KYNU: variants seen among roughly 807,000 people sequenced by gnomAD.
KYNU encodes the protein L-kynurenine hydrolase.
KYNU carries 54 observed loss-of-function variants against 59.2 expected under a neutral mutation model. That is an observed-to-expected ratio of 0.91 (90% confidence interval 0.73 to 1.14). KYNU has a LOEUF of 1.14. KYNU is among the 50% of genes most tolerant of loss of function. KYNU has a pLI of 0.00. For missense variants in KYNU, 567 were observed against 554.4 expected (o/e 1.02, Z -0.23); for synonymous variants, 177 against 192.0 (o/e 0.92, Z 0.65).
chr2:142,895,268 TATG>T (rs1182911932), intron 2 of KYNU, among the ~76,000 whole-genome samples: 1 of 152,212 alleles, frequency 6.6e-6, no homozygotes, highest in African/African-American at 2.4e-5. Flanking sequence ...AAGACTCCTT[TATG>T]CTAGCCCTTT....
At chr2:142,956,971 C>T (rs1573837839) in intron 6 of KYNU, among the ~76,000 whole-genome samples, 1 of 151,858 alleles carries the variant, frequency 6.6e-6, no homozygotes, top group East Asian at 1.9e-4. Context: ...AGTGAGACCT[C>T]GTCTCTATAA....
At chr2:143,014,196 A>G (rs895174435) in intron 10 of KYNU, among the ~76,000 whole-genome samples, 5 of 152,222 alleles carry the variant, frequency 3.3e-5, no homozygotes, top group Admixed American at 6.5e-5. Flanking sequence ...CTGAGGGAAC[A>G]TGGCTCAGGC....
chr2:143,015,539 TAA>T (rs113000458), intron 10 of KYNU, among the ~76,000 whole-genome samples: 4 of 152,290 alleles, frequency 2.6e-5, no homozygotes, highest in African/African-American at 9.6e-5. Context: ...CATGACCTGA[TAA>T]AGACCATCTG....
At chr2:142,917,410 A>C (rs985142719) in intron 2 of KYNU, among the ~76,000 whole-genome samples, 1 of 152,174 alleles carries the variant, frequency 6.6e-6, no homozygotes, top group Non-Finnish European at 1.5e-5. Context: ...ACTTGGACTC[A>C]AGCTATAAGG....
chr2:142,976,425 G>A (rs80253753), intron 8 of KYNU, among the ~76,000 whole-genome samples: 5,057 of 152,248 alleles, frequency 0.033, 124 homozygotes, highest in Non-Finnish European at 0.052. Context: ...GAGAAGTGTT[G>A]TCTCTACCAG....
chr2:142,935,414 C>T (rs1431701711), intron 4 of KYNU, among the ~76,000 whole-genome samples: 2 of 152,102 alleles, frequency 1.3e-5, no homozygotes, highest in Admixed American at 1.3e-4. Context: ...AGTGGGGGTC[C>T]TGATTGGGAA....
chr2:142,920,542 C>A (rs189793115), intron 3 of KYNU, among the ~76,000 whole-genome samples: 1 of 152,264 alleles, frequency 6.6e-6, no homozygotes, highest in East Asian at 1.9e-4. Context: ...ATTTTCAAGA[C>A]TTTAAAGTTG....
In KYNU at chr2:143,053,971, C is replaced by A. The variant is rs1398200233; in HGVS notation, c.*11799C>A. 6.6e-6 allele frequency: 1 copy of A among 152,066 alleles called. No individual in the cohort carries two copies. Among genetic ancestry groups the A allele is most frequent in the Non-Finnish European group, 1.5e-5 (1 of 68,022 alleles). The allele number at this position is 152,066 out of a possible 1,614,324, so 9.4% of individuals were successfully genotyped here. A position where few individuals can be genotyped will look rare whatever the true frequency, so the allele number is the denominator to read the frequency against. ...CAGAATTGAATTCAATTAGAGGATA[C>A]CTAGCTTGCGTTCAATGCAGAATTG... On this transcript the variant is annotated 3_prime_UTR_variant, in exon 14 of 14. Transcript: ENST00000264170.
At chr2:142,954,917 A>T in intron 5 of KYNU, 46 bp downstream of exon 5, 1 of 1,179,924 alleles carries the variant, frequency 8.5e-7, no homozygotes, top group Non-Finnish European at 1.3e-6. Context: ...TCATTTACAG[A>T]ATCTGATGTT....
intron 2 of KYNU, among the ~76,000 whole-genome samples, chr2:142,897,176 C>G (rs1681907183): frequency 1.3e-5 from 2 of 152,194 alleles, no homozygotes; most frequent in African/African-American, 4.8e-5. Context: ...CTTAATGACT[C>G]TCCATGTGCA....
In KYNU at chr2:142,973,415, C is replaced by A. The variant is rs11891470; in HGVS notation, c.730-11669C>A. On this transcript the variant is annotated intron_variant, in intron 8 of 13. Coordinates refer to ENST00000264170, the MANE Select transcript of KYNU (RefSeq NM_003937.3). The stretch of plus-strand genomic sequence containing the variant: ...ACCTCAAGCCTACTCTTTCCAATTA[C>A]CCTCATATAGGGAAGCCCCAATACA... Among the ~76,000 whole-genome samples the A allele has an allele frequency of 4.5e-3, 690 of 152,238 alleles. 11 individuals are homozygous for A. Among genetic ancestry groups the A allele is most frequent in the African/African-American group, 0.016 (664 of 41,538 alleles).
intron 2 of KYNU, among the ~76,000 whole-genome samples, chr2:142,909,947 A>G (rs913836360): frequency 6.6e-6 from 1 of 152,068 alleles, no homozygotes; most frequent in Admixed American, 6.6e-5. Flanking sequence ...ATTTCTTTGC[A>G]ACCTTGTCAC....
chr2:143,005,776 G>T (rs548840850), intron 10 of KYNU, among the ~76,000 whole-genome samples: 1 of 151,788 alleles, frequency 6.6e-6, no homozygotes, highest in Non-Finnish European at 1.5e-5. Flanking sequence ...AATTACTTTC[G>T]CACCAACATG....
In KYNU at chr2:143,054,635, A is replaced by C. The variant is rs1208985176; in HGVS notation, c.*12463A>C. ...CCACTCTGCAGTACAGTCAGGAAATAAGAAACCAAGTCCAATCAAAATAGC... is the reference window on the plus strand; with the variant it reads ...CCACTCTGCAGTACAGTCAGGAAATCAGAAACCAAGTCCAATCAAAATAGC... On this transcript the variant is annotated 3_prime_UTR_variant, in exon 14 of 14. Coordinates refer to ENST00000264170, the MANE Select transcript of KYNU (RefSeq NM_003937.3). 2.0e-5 allele frequency: 3 copies of C among 152,206 alleles called. No individual in the cohort carries two copies. The highest frequency in any genetic ancestry group is 4.4e-5 in the Non-Finnish European group (3 of 68,016). The allele number at this position is 152,206 out of a possible 1,614,324, so 9.4% of individuals were successfully genotyped here. A position where few individuals can be genotyped will look rare whatever the true frequency, so the allele number is the denominator to read the frequency against.
At chr2:142,940,152 G>C (rs2105047799) in intron 4 of KYNU, among the ~76,000 whole-genome samples, 1 of 152,298 alleles carries the variant, frequency 6.6e-6, no homozygotes, top group East Asian at 1.9e-4. Flanking sequence ...TCATTTGTTA[G>C]AAGCCAATTC....
chr2:142,939,097 A>G (rs1052102445), intron 4 of KYNU, among the ~76,000 whole-genome samples: 2 of 152,042 alleles, frequency 1.3e-5, no homozygotes, highest in African/African-American at 4.8e-5. Context: ...GCAATGAGCC[A>G]TGATTGCACC....
At chr2:143,000,257 C>T (rs958483582) in intron 10 of KYNU, among the ~76,000 whole-genome samples, 1 of 152,140 alleles carries the variant, frequency 6.6e-6, no homozygotes, top group Non-Finnish European at 1.5e-5. Context: ...GCTATGACCA[C>T]TGAATTCAAT....
chr2:142,880,188 A>G (rs1681244045), intron 1 of KYNU, among the ~76,000 whole-genome samples: 1 of 152,244 alleles, frequency 6.6e-6, no homozygotes, highest in Admixed American at 6.5e-5. Flanking sequence ...TCAGGCCCCC[A>G]GGTAGAGTTC....
chr2:142,996,477 G>A (rs1191294379), intron 10 of KYNU, among the ~76,000 whole-genome samples: 3 of 152,082 alleles, frequency 2.0e-5, no homozygotes, highest in Non-Finnish European at 4.4e-5. Context: ...TGTATTCAAA[G>A]CATTGGGGAT....
Sources: allele counts gnomAD v4.1 joint callset (sites outside exome capture counted in the v4.1 genomes callset), GRCh38; gene constraint gnomAD v4.1.1; transcripts MANE v1.5; gene names NCBI Gene and HGNC (gene_info 2026-07-23, HGNC 2026-07-21).